The following LUZP2 variants were observed in gnomAD, a reference collection of about 807,000 sequenced individuals.
LUZP2 encodes leucine zipper protein 2.
Under a neutral mutation model 51.6 loss-of-function variants are expected in LUZP2, and 52 were observed. That is an observed-to-expected ratio of 1.01 (90% CI 0.81 to 1.27). LUZP2 has a LOEUF of 1.27. LUZP2 is among the 50% of genes most tolerant of loss of function. The pLI, the probability that LUZP2 is intolerant of heterozygous loss-of-function variation, is 0.00. For synonymous variants in LUZP2, 154 were observed against 137.3 expected (o/e 1.12, Z -0.85); for missense variants, 436 against 395.4 (o/e 1.10, Z -0.87).
At chr11:24,751,668 C>T in intron 4 of LUZP2, 1 of 620,916 alleles carries the variant, frequency 1.6e-6, no homozygotes. Flanking sequence ...CATCATTGGC[C>T]CTTTTCCTGT....
Position 24,975,144 on chromosome 11 carries a change from A to G in LUZP2, c.523-1447A>G, listed in dbSNP as rs921417876. 2.0e-5 allele frequency among the ~76,000 whole-genome samples: 3 copies of G among 152,118 alleles called. No homozygotes were observed. In the South Asian group the frequency reaches 6.2e-4, roughly 32 times the overall value. On this transcript the variant is annotated intron_variant, in intron 7 of 11. Coordinates refer to ENST00000336930, the MANE Select transcript of LUZP2 (RefSeq NM_001009909.4). The stretch of plus-strand genomic sequence containing the variant: ...CACTTTCTTGATAGCAACTGTCACT[A>G]TCTGATTTTATATATGTATATTCTG...
intron 1 of LUZP2, among the ~76,000 whole-genome samples, chr11:24,607,934 C>T (rs1382705696): frequency 2.0e-5 from 3 of 151,910 alleles, no homozygotes; most frequent in South Asian, 2.1e-4. Context: ...CTGCAAGCTC[C>T]GCCTCCTGGG....
chr11:24,782,736 T>C (rs1313993997), intron 5 of LUZP2, among the ~76,000 whole-genome samples: 1 of 152,066 alleles, frequency 6.6e-6, no homozygotes, highest in Non-Finnish European at 1.5e-5. Flanking sequence ...AATTGCTAGC[T>C]TGATGTATTT....
intron 5 of LUZP2, among the ~76,000 whole-genome samples, chr11:24,790,662 C>A (rs147612153): frequency 0.026 from 3,956 of 152,106 alleles, 154 homozygotes; most frequent in African/African-American, 0.09. Context: ...TCACCACGCC[C>A]AGCTAATTTT....
At position 24,732,310 on chromosome 11, in the gene LUZP2, A is replaced by T. The variant is rs767743377; in HGVS notation, c.251+122A>T. ...TTTATCTTTTCACTTATACTTAAAT[A>T]TGCATGCAATTCACTTGGGAATCTT... On this transcript the variant is annotated intron_variant, in intron 3 of 11. Transcript: ENST00000336930. 5.9e-6 allele frequency: 4 copies of T among 674,834 alleles called. No individual in the cohort carries two copies. In the Admixed American group the frequency reaches 9.4e-5, roughly 16 times the overall value. The allele number at this position is 674,834 out of a possible 1,614,324, so 41.8% of individuals were successfully genotyped here.
chr11:24,952,283 A>C (rs2133865137), intron 7 of LUZP2, among the ~76,000 whole-genome samples: 1 of 151,878 alleles, frequency 6.6e-6, no homozygotes, highest in South Asian at 2.1e-4. Context: ...TGATGCATTC[A>C]ATTAACATTT....
chr11:24,785,815 A>C (rs761294940), intron 5 of LUZP2: 13 of 967,324 alleles, frequency 1.3e-5, no homozygotes, highest in Non-Finnish European at 1.5e-5. Flanking sequence ...CCTTTCACAG[A>C]TGAAAAGTTC....
intron 1 of LUZP2, among the ~76,000 whole-genome samples, chr11:24,576,514 C>T (rs938170468): frequency 3.3e-5 from 5 of 149,566 alleles, no homozygotes; most frequent in Admixed American, 2.7e-4. Flanking sequence ...CTTGATATTA[C>T]AAAAGTTAAC....
intron 7 of LUZP2, among the ~76,000 whole-genome samples, chr11:24,943,291 G>C (rs7925281): frequency 0.052 from 7,975 of 152,232 alleles, 414 homozygotes; most frequent in African/African-American, 0.13. Flanking sequence ...TTGTGCAAAC[G>C]TAGCAGAGAA....
intron 5 of LUZP2, among the ~76,000 whole-genome samples, chr11:24,903,234 T>TA (rs1025682286): frequency 5.3e-5 from 8 of 152,108 alleles, no homozygotes; most frequent in African/African-American, 1.9e-4. Context: ...AGATTCTTTT[T>TA]AAAAAAAGAA....
Position 24,998,184 on chromosome 11 carries a change from G to A in LUZP2, c.765+14891G>A, listed in dbSNP as rs572988607. On this transcript the variant is annotated intron_variant, in intron 9 of 11. Transcript: ENST00000336930. ...AGTCATTGGTAACTTGATGGGGATG[G>A]CATTGAATCTGTAAATTACCTTGGG... 3.3e-5 allele frequency among the ~76,000 whole-genome samples: 5 copies of A among 152,188 alleles called. No homozygotes were observed. In the South Asian group the frequency reaches 1.0e-3, roughly 32 times the overall value.
At chr11:24,713,653 ACT>A (rs1857923375) in intron 1 of LUZP2, among the ~76,000 whole-genome samples, 1 of 140,894 alleles carries the variant, frequency 7.1e-6, no homozygotes, top group Non-Finnish European at 1.5e-5. Context: ...ACACCACGAC[ACT>A]CTATCCTGGA....
chr11:24,791,254 C>T (rs1849399972), intron 5 of LUZP2, among the ~76,000 whole-genome samples: 1 of 152,084 alleles, frequency 6.6e-6, no homozygotes, highest in Non-Finnish European at 1.5e-5. Context: ...TGCTATCTAC[C>T]ATTTTCATTA....
intron 7 of LUZP2, among the ~76,000 whole-genome samples, chr11:24,926,324 T>TGTATATATATAC (rs1854243693): frequency 1.7e-5 from 2 of 115,282 alleles, no homozygotes; most frequent in South Asian, 2.6e-4. Flanking sequence ...TATATACGTG[T>TGTATATATATAC]GTGTATATAT....
At chr11:25,049,470 CTCT>C (rs1302765039) in intron 9 of LUZP2, among the ~76,000 whole-genome samples, 6 of 151,730 alleles carry the variant, frequency 4.0e-5, no homozygotes, top group Admixed American at 6.6e-5. Context: ...TTTCTTTATT[CTCT>C]TCTTTTATTT....
chr11:25,055,718 G>A (rs7925791), intron 10 of LUZP2, among the ~76,000 whole-genome samples: 55,794 of 152,012 alleles, frequency 0.37, 12,599 homozygotes, highest in East Asian at 0.78. Context: ...CAACAATGAC[G>A]AATGGAAAGT....
At chr11:24,718,582 T>C (rs1000536711) in intron 1 of LUZP2, among the ~76,000 whole-genome samples, 1 of 151,966 alleles carries the variant, frequency 6.6e-6, no homozygotes, top group Non-Finnish European at 1.5e-5. Flanking sequence ...CCATTGGTGA[T>C]TTCTGGAAGC....
chr11:24,860,175 G>A (rs556458414), intron 5 of LUZP2, among the ~76,000 whole-genome samples: 71 of 152,272 alleles, frequency 4.7e-4, no homozygotes, highest in Middle Eastern at 3.4e-3. Flanking sequence ...GCTGTCATCC[G>A]TCATCTGTGG....
chr11:25,062,663 TGTCTTTCC>T lies in LUZP2; in HGVS notation c.858+12538_858+12545del, dbSNP rs1207092731. ...GTCAAAGCACACCAATAAAGTTGTGTGTCTTTCCGTCTCCAACTTTATCATTGTGCTAT... is the reference window on the plus strand; with the variant it reads ...GTCAAAGCACACCAATAAAGTTGTGTGTCTCCAACTTTATCATTGTGCTAT... On this transcript the variant is annotated intron_variant, in intron 10 of 11. Coordinates refer to ENST00000336930, the MANE Select transcript of LUZP2 (RefSeq NM_001009909.4). Among the ~76,000 whole-genome samples, 2 of 149,952 alleles carry T rather than the reference TGTCTTTCC, an allele frequency of 1.3e-5. 1 individual carries two copies. The highest frequency in any genetic ancestry group is 3.0e-5 in the Non-Finnish European group (2 of 67,210).
Sources: allele counts gnomAD v4.1 joint callset (sites outside exome capture counted in the v4.1 genomes callset), GRCh38; gene constraint gnomAD v4.1.1; transcripts MANE v1.5; gene names NCBI Gene and HGNC (gene_info 2026-07-23, HGNC 2026-07-21).